Variants in IWS1 observed in about 807,000 individuals in gnomAD.
The protein encoded by IWS1 is interacts with SUPT6H, CTD assembly factor 1, also known as protein IWS1 homolog.
In IWS1, 27 loss-of-function variants were observed where a neutral mutation model predicts 86.7. The observed-to-expected ratio is 0.31, with a 90% CI of 0.23 to 0.43. The LOEUF is 0.43. IWS1 is among the 20% of genes least tolerant of loss of function. IWS1 has a pLI of 1.00. For synonymous variants in IWS1, 313 were observed against 335.1 expected (o/e 0.93, Z 0.72); for missense variants, 827 against 1,000.8 (o/e 0.83, Z 2.34).
At position 127,505,075 on chromosome 2, in the gene IWS1, C is replaced by G. The variant is rs751250712; in HGVS notation, c.828G>C (p.Ser276=). Residue 276 remains serine, a synonymous_variant, in exon 3 of 14, where the codon TCG becomes TCC. Coordinates refer to ENST00000295321, the MANE Select transcript of IWS1 (RefSeq NM_017969.3). This position sits in a 1 kb window ranked among gnomAD's most constrained non-coding sequence, Gnocchi z 5.0. ...GGTTCCTTGGGGGATCCTCACTTTC[C>G]GAATCACTGATTCGGGGTTTGGGAA... The part of the protein sequence containing the change: ...EELPKPRISD[S]ESEDPPRNQA... 6.2e-7 allele frequency: 1 copy of G among 1,609,602 alleles called. No homozygotes were observed. Among genetic ancestry groups the G allele is most frequent in the South Asian group, 1.1e-5 (1 of 90,570 alleles).
intron 2 of IWS1, among the ~76,000 whole-genome samples, chr2:127,520,923 G>A (rs962399748): frequency 3.3e-5 from 5 of 152,172 alleles, no homozygotes; most frequent in Non-Finnish European, 5.9e-5. Flanking sequence ...CTTTAATGAC[G>A]TGGGGAAACA....
At chr2:127,526,501 T>G (rs973286427), upstream of IWS1, 5 of 1,501,722 alleles carry the variant, frequency 3.3e-6, no homozygotes, top group Admixed American at 1.0e-4. Context: ...CCCACGACCC[T>G]CAAAGGAATG....
chr2:127,496,170 A>T, intron 6 of IWS1, 22 bp from the exon 7 acceptor site: 1 of 1,593,986 alleles, frequency 6.3e-7, no homozygotes, highest in Non-Finnish European at 8.5e-7. Context: ...AACAAAAGCA[A>T]GTGAAATACA....
chr2:127,491,898 A>G, intron 10 of IWS1, 73 bp downstream of exon 10: 1 of 882,256 alleles, frequency 1.1e-6, no homozygotes, highest in Middle Eastern at 2.6e-4. Flanking sequence ...GTAAAAATAC[A>G]GCTTTTATAT....
At chr2:127,524,306 C>T (rs1227344588) in intron 1 of IWS1, among the ~76,000 whole-genome samples, 1 of 152,118 alleles carries the variant, frequency 6.6e-6, no homozygotes, top group Admixed American at 6.5e-5. Context: ...TAGTGAAAAT[C>T]CATTCAAGAA....
chr2:127,489,966 T>G lies in IWS1; in HGVS notation c.2048-23A>C, dbSNP rs1432293616. On this transcript the variant is annotated intron_variant, in intron 10 of 13. Transcript: ENST00000295321. The surrounding 1 kb of genome is among the most constrained non-coding windows in gnomAD (Gnocchi z 4.8). ...CATCTGTAGTAAGAAAAAAATCAAT[T>G]ATTTTGTCCATAAAATTGCATTTCC... 2 of 1,312,650 alleles carry G rather than the reference T, an allele frequency of 1.5e-6. No homozygotes were observed. Among genetic ancestry groups the G allele is most frequent in the Non-Finnish European group, 2.2e-6 (2 of 908,466 alleles). 81.3% of individuals were successfully genotyped at this position (1,312,650 alleles called of 1,614,324 possible). A position where few individuals can be genotyped will look rare whatever the true frequency, so the allele number is the denominator to read the frequency against.
chr2:127,483,053 C>T (rs545873935), intron 13 of IWS1: 1 of 145,670 alleles, frequency 6.9e-6, no homozygotes, highest in East Asian at 2.1e-4. Context: ...AAAAACAAAA[C>T]AAAAACCCAG....
chr2:127,518,854 G>C (rs568882370), intron 2 of IWS1, among the ~76,000 whole-genome samples: 7 of 152,120 alleles, frequency 4.6e-5, no homozygotes, highest in Non-Finnish European at 8.8e-5. Context: ...ACAGGCGTCA[G>C]TCACCGCACC....
intron 8 of IWS1, among the ~76,000 whole-genome samples, chr2:127,493,783 A>G (rs1280110913): frequency 6.7e-6 from 1 of 149,284 alleles, no homozygotes; most frequent in Non-Finnish European, 1.5e-5. Context: ...TGGTGAACCC[A>G]GATTTGCTCT....
chr2:127,518,286 C>T (rs1448510769), intron 2 of IWS1, among the ~76,000 whole-genome samples: 4 of 152,090 alleles, frequency 2.6e-5, no homozygotes, highest in African/African-American at 4.8e-5. Flanking sequence ...GAGGCCAAGG[C>T]GGGCGGATGG....
In IWS1 at chr2:127,489,783, A is replaced by T; in HGVS notation, c.2159+49T>A. On this transcript the variant is annotated intron_variant, in intron 11 of 13. Coordinates refer to ENST00000295321, the MANE Select transcript of IWS1 (RefSeq NM_017969.3). The surrounding 1 kb of genome is among the most constrained non-coding windows in gnomAD (Gnocchi z 4.8). ...TAATGATCTTACTTAAAACTGAGTTACTGCAACAATAACGTGTATTCCACT... is the reference window on the plus strand; with the variant it reads ...TAATGATCTTACTTAAAACTGAGTTTCTGCAACAATAACGTGTATTCCACT... 9.9e-7 allele frequency: 1 copy of T among 1,007,152 alleles called. No homozygotes were observed. Among genetic ancestry groups the T allele is most frequent in the Non-Finnish European group, 1.6e-6 (1 of 630,244 alleles). 62.4% of individuals were successfully genotyped at this position (1,007,152 alleles called of 1,614,324 possible).
intron 2 of IWS1, among the ~76,000 whole-genome samples, chr2:127,513,618 A>G (rs1489298057): frequency 6.6e-6 from 1 of 152,210 alleles, no homozygotes; most frequent in African/African-American, 2.4e-5. Flanking sequence ...GGTTCTTCGC[A>G]AGGTTCTTCT....
In IWS1 at chr2:127,523,786, C is replaced by A. The variant is rs1692240081; in HGVS notation, c.40G>T (p.Gly14Cys). The A allele has an allele frequency of 1.9e-6, 3 of 1,607,934 alleles. No homozygotes were observed. The highest frequency in any genetic ancestry group is 2.5e-6 in the Non-Finnish European group (3 of 1,177,526). ...TCATCCTGTACTGGGGTAGCACCAC[C>A]ATCATCTGATTAAAAACAAAACAAA... is the stretch of plus-strand genomic sequence containing the variant. Reference protein sequence around the residue: ...EYYSGDQSDDGGATPVQDERD... With the variant: ...EYYSGDQSDDCGATPVQDERD... The change falls in exon 2 of 14, where the codon GGT becomes TGT. Residue 14 changes from glycine (G) to cysteine (C), a missense_variant. Gly to Cys is a radical substitution (Grantham distance 159, BLOSUM62 -3). This residue lies in a region of IWS1 where 548 missense variants were observed against 560.2 expected (regional missense o/e 0.98). Coordinates refer to ENST00000295321, the MANE Select transcript of IWS1 (RefSeq NM_017969.3).
intron 9 of IWS1, 110 bp downstream of exon 9, chr2:127,493,171 G>T: frequency 2.1e-6 from 2 of 963,192 alleles, no homozygotes; most frequent in Non-Finnish European, 2.9e-6. Flanking sequence ...CCCTCTTCTG[G>T]CAGGCTGTAG....
chr2:127,511,030 C>G (rs1691421720), intron 2 of IWS1: 1 of 152,240 alleles, frequency 6.6e-6, no homozygotes, highest in African/African-American at 2.4e-5. Context: ...CCAGTTCCAG[C>G]AGAGTGGAAC....
chr2:127,491,930 A>G, intron 10 of IWS1, 41 bp downstream of exon 10: 1 of 1,157,454 alleles, frequency 8.6e-7, no homozygotes, highest in Non-Finnish European at 1.3e-6. Flanking sequence ...TCTCTTATCT[A>G]TACACATAAA....
intron 2 of IWS1, among the ~76,000 whole-genome samples, chr2:127,522,413 C>T (rs1692149092): frequency 6.6e-6 from 1 of 152,068 alleles, no homozygotes; most frequent in African/African-American, 2.4e-5. Context: ...TAGCAGACTA[C>T]ACAATTAAAA....
chr2:127,517,055 GA>G (rs1263353772), intron 2 of IWS1, among the ~76,000 whole-genome samples: 5 of 152,046 alleles, frequency 3.3e-5, no homozygotes, highest in African/African-American at 1.2e-4. Context: ...ATTTAACAAA[GA>G]AATCGAACAT....
intron 7 of IWS1, 37 bp from the exon 8 acceptor site, chr2:127,494,991 A>T (rs1322486996): frequency 7.7e-7 from 1 of 1,306,324 alleles, no homozygotes; most frequent in Admixed American, 2.0e-5. Context: ...TTTTTAAAAC[A>T]GTACTTTTTA....
Sources: allele counts gnomAD v4.1 joint callset (sites outside exome capture counted in the v4.1 genomes callset), GRCh38; gene constraint gnomAD v4.1.1; regional missense constraint gnomAD v4.1.1; non-coding constraint Gnocchi (gnomAD v3.1); transcripts MANE v1.5; gene names NCBI Gene and HGNC (gene_info 2026-07-23, HGNC 2026-07-21).